LRRC4C: variants seen among roughly 807,000 people sequenced by gnomAD.
LRRC4C encodes leucine rich repeat containing 4C, also known as leucine-rich repeat-containing protein 4C.
LRRC4C carries 5 observed loss-of-function variants against 33.6 expected under a neutral mutation model. That is an observed-to-expected ratio of 0.15 (90% CI 0.08 to 0.31). The LOEUF (loss-of-function observed/expected upper bound fraction) is 0.31. Among genes scored for constraint, LRRC4C ranks in the 10% least tolerant of loss-of-function variants. The pLI, the probability that LRRC4C is intolerant of heterozygous loss-of-function variation, is 1.00. For synonymous variants in LRRC4C, 329 were observed against 302.0 expected, an observed-to-expected ratio of 1.09 and a Z score of -0.93; for missense variants, 560 against 796.7, an observed-to-expected ratio of 0.70 and a Z score of 3.58.
intron 3 of LRRC4C, among the ~76,000 whole-genome samples, chr11:40,545,054 C>T (rs75760956): frequency 6.6e-5 from 10 of 152,028 alleles, no homozygotes; most frequent in Non-Finnish European, 7.4e-5. Context: ...TAATTTCCTT[C>T]TGGCTTTTAA....
At chr11:40,616,114 C>G (rs960066241) in intron 3 of LRRC4C, among the ~76,000 whole-genome samples, 9 of 152,104 alleles carry the variant, frequency 5.9e-5, no homozygotes, top group African/African-American at 2.2e-4. Context: ...TGAACAGACA[C>G]TTCTCAAAAG....
At chr11:40,832,001 T>C (rs1317688240) in intron 2 of LRRC4C, among the ~76,000 whole-genome samples, 1 of 152,058 alleles carries the variant, frequency 6.6e-6, no homozygotes, top group Non-Finnish European at 1.5e-5. Flanking sequence ...CAGTTATAGG[T>C]AGAGTTATGA....
At chr11:40,898,027 G>A (rs987518723) in intron 2 of LRRC4C, among the ~76,000 whole-genome samples, 5 of 151,902 alleles carry the variant, frequency 3.3e-5, no homozygotes, top group African/African-American at 1.2e-4. Context: ...TATAAAATAG[G>A]TCTACAAAAA....
chr11:40,607,640 G>A (rs1960763436), intron 3 of LRRC4C, among the ~76,000 whole-genome samples: 1 of 152,162 alleles, frequency 6.6e-6, no homozygotes, highest in Non-Finnish European at 1.5e-5. Flanking sequence ...TCCATCTGCT[G>A]AGAGCTACTT....
At chr11:41,076,677 CAA>C (rs1472270764) in intron 1 of LRRC4C, among the ~76,000 whole-genome samples, 1 of 152,138 alleles carries the variant, frequency 6.6e-6, no homozygotes, top group Non-Finnish European at 1.5e-5. Context: ...GCCACAGAGC[CAA>C]ACCACATCAT....
At chr11:40,471,503 A>G (rs1364246280) in intron 3 of LRRC4C, among the ~76,000 whole-genome samples, 1 of 152,198 alleles carries the variant, frequency 6.6e-6, no homozygotes, top group Non-Finnish European at 1.5e-5. Flanking sequence ...ACCAGCTAGC[A>G]TCATAATGAC....
At chr11:40,865,029 T>A (rs1386232724) in intron 2 of LRRC4C, among the ~76,000 whole-genome samples, 3 of 152,190 alleles carry the variant, frequency 2.0e-5, no homozygotes, top group Non-Finnish European at 4.4e-5. Flanking sequence ...GTTGTTTTCA[T>A]GTCTCGGCTA....
intron 3 of LRRC4C, among the ~76,000 whole-genome samples, chr11:40,436,316 T>C (rs1450183982): frequency 6.6e-6 from 1 of 152,190 alleles, no homozygotes; most frequent in Non-Finnish European, 1.5e-5. Flanking sequence ...CATTCATTCA[T>C]TAGCTCATTT....
chr11:41,369,534 C>T (rs1952667253), intron 1 of LRRC4C, among the ~76,000 whole-genome samples: 1 of 150,392 alleles, frequency 6.6e-6, no homozygotes, highest in African/African-American at 2.5e-5. Context: ...TACCCCTGAG[C>T]TTAAAATAAA....
chr11:40,231,545 G>T (rs1259352278), intron 5 of LRRC4C, among the ~76,000 whole-genome samples: 1 of 151,998 alleles, frequency 6.6e-6, no homozygotes, highest in Non-Finnish European at 1.5e-5. Context: ...TGCATATTTT[G>T]TGCCAGGTAC....
Position 40,672,649 on chromosome 11 carries a change from C to T in LRRC4C, c.-406-24371G>A, listed in dbSNP as rs77985283. Among the ~76,000 whole-genome samples, 1,123 of 152,194 alleles carry T rather than the reference C, an allele frequency of 7.4e-3. 14 individuals are homozygous for T. The highest frequency in any genetic ancestry group is 0.025 in the African/African-American group (1,037 of 41,542). ...TAATTACAAAGCTTTTTCAGATACA[C>T]GAACTTCCTTCGATATGCCTTAGCC... On this transcript the variant is annotated intron_variant, in intron 2 of 6. Transcript: ENST00000528697.
At position 40,709,031 on chromosome 11, in the gene LRRC4C, C is replaced by CT. The variant is rs944358721; in HGVS notation, c.-406-60754dup. 4.0e-4 allele frequency among the ~76,000 whole-genome samples: 61 copies of CT among 151,130 alleles called. No homozygotes were observed. The South Asian group carries it at 7.8e-3, about 19-fold the overall frequency. The stretch of plus-strand genomic sequence containing the variant: ...TCAGAGACTAGGATTGCAACCTCTG[C>CT]TTTTTTTTTGTTTTCCATTTGCTTG... On this transcript the variant is annotated intron_variant, in intron 2 of 6. Coordinates refer to ENST00000528697, the MANE Select transcript of LRRC4C (RefSeq NM_001258419.2).
At chr11:41,009,708 A>C (rs1204485479) in intron 1 of LRRC4C, among the ~76,000 whole-genome samples, 1 of 152,122 alleles carries the variant, frequency 6.6e-6, no homozygotes, top group Non-Finnish European at 1.5e-5. Flanking sequence ...AAAAAATCAG[A>C]AAGTTTCAGA....
chr11:40,287,301 C>T (rs1006031838), intron 4 of LRRC4C, among the ~76,000 whole-genome samples: 21 of 144,854 alleles, frequency 1.4e-4, no homozygotes, highest in Admixed American at 2.7e-4. Flanking sequence ...TGTATTCCAT[C>T]AGTATACTCG....
intron 5 of LRRC4C, among the ~76,000 whole-genome samples, chr11:40,169,794 A>T (rs1457811243): frequency 6.6e-6 from 1 of 152,160 alleles, no homozygotes; most frequent in Non-Finnish European, 1.5e-5. Flanking sequence ...CACTTTTACA[A>T]TTCACAATTC....
At chr11:40,625,821 A>G (rs1365926086) in intron 3 of LRRC4C, among the ~76,000 whole-genome samples, 1 of 152,118 alleles carries the variant, frequency 6.6e-6, no homozygotes, top group Admixed American at 6.5e-5. Flanking sequence ...CACTTCCACT[A>G]TAACAAACCT....
chr11:41,344,903 A>G lies in LRRC4C; in HGVS notation c.-496+114528T>C, dbSNP rs1383767390. ...GGAGGGGAGGAATATTTTAGACACA[A>G]TTAACTGCTGCCTCTGATAGTCGTT... On this transcript the variant is annotated intron_variant, in intron 1 of 6. Coordinates refer to ENST00000528697, the MANE Select transcript of LRRC4C (RefSeq NM_001258419.2). 3.3e-5 allele frequency among the ~76,000 whole-genome samples: 5 copies of G among 152,284 alleles called. No homozygotes were observed. The East Asian group carries it at 5.8e-4, about 18-fold the overall frequency.
chr11:40,781,610 A>T (rs1173931704), intron 2 of LRRC4C, among the ~76,000 whole-genome samples: 1 of 152,202 alleles, frequency 6.6e-6, no homozygotes, highest in Non-Finnish European at 1.5e-5. Context: ...AAAGATAATG[A>T]CTAAAGGATT....
intron 3 of LRRC4C, among the ~76,000 whole-genome samples, chr11:40,633,380 T>TC (rs71060974): frequency 0.017 from 2,222 of 129,342 alleles, 108 homozygotes; most frequent in African/African-American, 0.048. Flanking sequence ...TTTCTCTCTC[T>TC]TTCTTTCTTT....
Sources: gnomAD v4.1 joint callset for allele counts (sites outside exome capture counted in the v4.1 genomes callset) on GRCh38, gnomAD v4.1.1 for gene constraint, MANE v1.5 for transcripts, NCBI Gene and HGNC (gene_info 2026-07-23, HGNC 2026-07-21) for gene names.